AVEN: variants seen among roughly 807,000 people sequenced by gnomAD.
AVEN encodes the protein cell death regulator Aven.
AVEN carries 41 observed loss-of-function variants against 38.1 expected under a neutral mutation model. The ratio of observed to expected loss-of-function variants is 1.08; its 90% CI spans 0.84 to 1.40. AVEN has a LOEUF of 1.40. Among genes scored for constraint, AVEN ranks in the 40% most tolerant of loss-of-function variants. The pLI, the probability that AVEN is intolerant of heterozygous loss-of-function variation, is 0.00. For synonymous variants in AVEN, 206 were observed against 171.8 expected (o/e 1.20, Z -1.56); for missense variants, 605 against 438.8 (o/e 1.38, Z -3.38).
chr15:34,069,581 C>A (rs1900589457), intron 2 of AVEN, among the ~76,000 whole-genome samples: 1 of 152,214 alleles, frequency 6.6e-6, no homozygotes, highest in Non-Finnish European at 1.5e-5. Context: ...TGCATCACAT[C>A]AGGAGGCATA....
intron 2 of AVEN, among the ~76,000 whole-genome samples, chr15:33,956,469 A>ATT (rs774543472): frequency 1.3e-5 from 2 of 152,194 alleles, no homozygotes; most frequent in Non-Finnish European, 2.9e-5. Context: ...TTTAAGAGCC[A>ATT]TTTGCATTTC....
intron 2 of AVEN, among the ~76,000 whole-genome samples, chr15:33,928,332 G>A (rs1369312349): frequency 6.6e-6 from 1 of 152,162 alleles, no homozygotes; most frequent in Non-Finnish European, 1.5e-5. Context: ...AGAAACTTGA[G>A]AAAGGGATTC....
chr15:33,854,636 C>G (rs1035795336), downstream of AVEN: 28 of 1,251,074 alleles, frequency 2.2e-5, no homozygotes, highest in Non-Finnish European at 3.0e-5. Flanking sequence ...AGATCTTGGG[C>G]CAGCTCACAG....
intron 1 of AVEN, among the ~76,000 whole-genome samples, chr15:34,026,372 C>A (rs1898472317): frequency 6.6e-6 from 1 of 151,892 alleles, no homozygotes; most frequent in South Asian, 2.1e-4. Context: ...TAACTTTTAA[C>A]CTTAGGATAT....
intron 2 of AVEN, among the ~76,000 whole-genome samples, chr15:33,930,525 A>G (rs981139790): frequency 2.0e-5 from 3 of 152,236 alleles, no homozygotes; most frequent in African/African-American, 7.2e-5. Flanking sequence ...ATGGAGCTAA[A>G]TAATCTCTCT....
At chr15:33,881,548 A>T (rs1891486220) in intron 2 of AVEN, among the ~76,000 whole-genome samples, 2 of 152,218 alleles carry the variant, frequency 1.3e-5, no homozygotes, top group African/African-American at 4.8e-5. Context: ...CTACTATAGA[A>T]TACCAACCAC....
At chr15:33,912,425 T>C (rs576493160) in intron 2 of AVEN, among the ~76,000 whole-genome samples, 4 of 152,340 alleles carry the variant, frequency 2.6e-5, no homozygotes, top group African/African-American at 7.2e-5. Flanking sequence ...ACCTCAACTA[T>C]GTAAAATATT....
In AVEN at chr15:34,063,490, G is replaced by A. The variant is rs760980577; in HGVS notation, n.1127-58C>T. The A allele has an allele frequency of 5.6e-6, 9 of 1,613,756 alleles. No homozygotes were observed. Among genetic ancestry groups the A allele is most frequent in the South Asian group, 4.4e-5 (4 of 91,078 alleles). On this transcript the variant is annotated intron_variant and non_coding_transcript_variant, in intron 4 of 11. Coordinates refer to the AVEN transcript ENST00000675287. The surrounding 1 kb of genome is among the most constrained non-coding windows in gnomAD (Gnocchi z 4.1). Reference sequence around the variant, plus strand: ...TTCAGATCCTGCTTGCGCTGTCCTCGACCCACCCTGGCCCAGCGGGAAAGG... The same window carrying A: ...TTCAGATCCTGCTTGCGCTGTCCTCAACCCACCCTGGCCCAGCGGGAAAGG...
intron 2 of AVEN, among the ~76,000 whole-genome samples, chr15:34,000,732 G>A (rs1897106464): frequency 6.6e-6 from 1 of 152,098 alleles, no homozygotes; most frequent in Non-Finnish European, 1.5e-5. Context: ...AGAAAGCATG[G>A]AAGCTCTTCT....
chr15:33,956,439 A>G lies in AVEN; in HGVS notation c.445+46593T>C, dbSNP rs147404223. 5.8e-3 allele frequency among the ~76,000 whole-genome samples: 891 copies of G among 152,358 alleles called. 6 individuals are homozygous for G. Among genetic ancestry groups the G allele is most frequent in the African/African-American group, 0.02 (852 of 41,582 alleles). The stretch of plus-strand genomic sequence containing the variant: ...TAATTTGCATCTCTCCTATGAGTGC[A>G]TTGAGCATCTTTTCACATGTTTAAG... On this transcript the variant is annotated intron_variant, in intron 2 of 5. Transcript: ENST00000306730.
At chr15:33,950,360 C>T (rs1243704367) in intron 2 of AVEN, among the ~76,000 whole-genome samples, 8 of 152,206 alleles carry the variant, frequency 5.3e-5, no homozygotes, top group Non-Finnish European at 1.0e-4. Flanking sequence ...CACACACATA[C>T]AGGGCAACCA....
chr15:33,857,957 GCCA>G (rs766537965), downstream of AVEN: 34 of 1,573,454 alleles, frequency 2.2e-5, 1 homozygote, highest in Admixed American at 5.8e-4. Flanking sequence ...CCACTGCGGG[GCCA>G]CCCCGCCCCA....
chr15:33,890,632 G>A (rs1192478413), intron 2 of AVEN, among the ~76,000 whole-genome samples: 2 of 152,016 alleles, frequency 1.3e-5, no homozygotes, highest in African/African-American at 2.4e-5. Flanking sequence ...ATAAGAACAA[G>A]TGGGAAGGAG....
chr15:33,969,794 G>C (rs77805374), intron 2 of AVEN, among the ~76,000 whole-genome samples: 1 of 151,996 alleles, frequency 6.6e-6, no homozygotes, highest in South Asian at 2.1e-4. Flanking sequence ...AAAGATGTCT[G>C]GTACCTTAAA....
chr15:33,956,097 C>T (rs974692578), intron 2 of AVEN, among the ~76,000 whole-genome samples: 3 of 152,086 alleles, frequency 2.0e-5, no homozygotes, highest in South Asian at 2.1e-4. Flanking sequence ...TCTGTAGGGC[C>T]GTCTGCCTCC....
intron 1 of AVEN, among the ~76,000 whole-genome samples, chr15:34,074,002 T>C (rs1900687324): frequency 7.4e-6 from 1 of 135,824 alleles, no homozygotes. Context: ...TTTTTTTTTT[T>C]TTTTTTTTTT....
At chr15:33,880,896 C>T (rs1027702682) in intron 2 of AVEN, among the ~76,000 whole-genome samples, 2 of 152,046 alleles carry the variant, frequency 1.3e-5, no homozygotes, top group Admixed American at 1.3e-4. Flanking sequence ...TCCATGAAGG[C>T]ATCTTTGATG....
intron 2 of AVEN, among the ~76,000 whole-genome samples, chr15:33,979,704 A>C (rs1896051274): frequency 6.6e-6 from 1 of 152,204 alleles, no homozygotes; most frequent in Admixed American, 6.5e-5. Context: ...GAAAAAAGAC[A>C]CCAATGGTTC....
chr15:33,872,518 C>T (rs1324481241), intron 3 of AVEN, among the ~76,000 whole-genome samples: 1 of 152,030 alleles, frequency 6.6e-6, no homozygotes, highest in Non-Finnish European at 1.5e-5. Flanking sequence ...GGTTCACAGG[C>T]CTCACCCACA....
Sources: gnomAD v4.1 joint callset for allele counts (sites outside exome capture counted in the v4.1 genomes callset) on GRCh38, gnomAD v4.1.1 for gene constraint, Gnocchi (gnomAD v3.1) non-coding constraint, MANE v1.5 for transcripts, NCBI Gene and HGNC (gene_info 2026-07-23, HGNC 2026-07-21) for gene names.